Variants in POLR1B observed in about 807,000 individuals in gnomAD.
POLR1B encodes RNA polymerase I subunit B.
POLR1B carries 30 observed loss-of-function variants against 105.8 expected under a neutral mutation model. The observed-to-expected ratio is 0.28, with a 90% CI of 0.21 to 0.38. The LOEUF (loss-of-function observed/expected upper bound fraction) is 0.38. Ranked by LOEUF, POLR1B falls within the 10% of genes least tolerant of loss-of-function variation. The pLI is 1.00. For missense variants in POLR1B, 976 were observed against 1,435.8 expected (o/e 0.68, Z 5.17); for synonymous variants, 485 against 505.1 (o/e 0.96, Z 0.53).
chr2:112,542,419 A>G (rs1448335074), upstream of POLR1B: 30 of 1,612,644 alleles, frequency 1.9e-5, no homozygotes, highest in Non-Finnish European at 2.5e-5. Flanking sequence ...GACTGCGGCC[A>G]CTACTTCCGG....
chr2:112,547,985 T>C (rs1015049550), intron 3 of POLR1B, among the ~76,000 whole-genome samples: 1 of 152,084 alleles, frequency 6.6e-6, no homozygotes, highest in Non-Finnish European at 1.5e-5. Flanking sequence ...CCAGGAGGCC[T>C]CACTACAGTG....
rs1168231235 is a variant in POLR1B at position 112,579,674 on chromosome 2, G to A, written c.*3945G>A. On this transcript the variant is annotated 3_prime_UTR_variant, in exon 15 of 15. Coordinates refer to ENST00000263331, the MANE Select transcript of POLR1B (RefSeq NM_019014.6). ...CATTTCTCTAATGGCTGAAAATGTT[G>A]AACATCTCTTCATGTGTTTATTTGC... The A allele has an allele frequency of 1.3e-5, 2 of 152,114 alleles. No homozygotes were observed. The highest frequency in any genetic ancestry group is 6.6e-5 in the Admixed American group (1 of 15,264). 9.4% of individuals were successfully genotyped at this position (152,114 alleles called of 1,614,324 possible). A position where few individuals can be genotyped will look rare whatever the true frequency, so the allele number is the denominator to read the frequency against.
rs1328411882 is a variant in POLR1B at position 112,569,260 on chromosome 2, T to TC, written c.2074+360dup. On this transcript the variant is annotated intron_variant, in intron 12 of 14. Transcript: ENST00000263331. ...TATAGTCACCCGCATATTTATCACTTCCAGTCCTCTTCATTCCTGCTGCAA... is the reference window on the plus strand; with the variant it reads ...TATAGTCACCCGCATATTTATCACTTCCCAGTCCTCTTCATTCCTGCTGCAA... Among the ~76,000 whole-genome samples the TC allele has an allele frequency of 2.6e-5, 4 of 152,380 alleles. 1 individual carries two copies. In the East Asian group the frequency reaches 7.7e-4, roughly 29 times the overall value.
rs1270132307 is a variant in POLR1B at position 112,577,597 on chromosome 2, C to T, written c.*1868C>T. 2.6e-5 allele frequency among the ~76,000 whole-genome samples: 4 copies of T among 151,578 alleles called. No individual in the cohort carries two copies. Among genetic ancestry groups the T allele is most frequent in the Non-Finnish European group, 5.9e-5 (4 of 67,922 alleles). On this transcript the variant is annotated 3_prime_UTR_variant, in exon 15 of 15. Coordinates refer to ENST00000263331, the MANE Select transcript of POLR1B (RefSeq NM_019014.6). ...GGGTGTGGTGGCTCACACCCATAAT[C>T]CCAACACTTTGGCTCAGCAGATTGC...
intron 1 of POLR1B, 61 bp from the exon 2 acceptor site, chr2:112,546,951 A>G (rs1485867453): frequency 6.5e-7 from 1 of 1,527,782 alleles, no homozygotes; most frequent in Non-Finnish European, 9.0e-7. Context: ...GATTTGGAAG[A>G]GTCTTAGAGA....
chr2:112,577,219 A>G lies in POLR1B; in HGVS notation c.*1490A>G, dbSNP rs568729231. On this transcript the variant is annotated 3_prime_UTR_variant, in exon 15 of 15. Coordinates refer to ENST00000263331, the MANE Select transcript of POLR1B (RefSeq NM_019014.6). Reference sequence around the variant, plus strand: ...GTCTGTCACTAATTATAAGGCAGATAGGAACAGACAGAAAAATCTATCATT... The same window carrying G: ...GTCTGTCACTAATTATAAGGCAGATGGGAACAGACAGAAAAATCTATCATT... 6.6e-6 allele frequency: 1 copy of G among 152,384 alleles called. No homozygotes were observed. Among genetic ancestry groups the G allele is most frequent in the South Asian group, 2.1e-4 (1 of 4,830 alleles). 9.4% of individuals were successfully genotyped at this position (152,384 alleles called of 1,614,324 possible). A position where few individuals can be genotyped will look rare whatever the true frequency, so the allele number is the denominator to read the frequency against.
At chr2:112,571,358 A>G (rs919591832) in intron 12 of POLR1B, among the ~76,000 whole-genome samples, 5 of 152,110 alleles carry the variant, frequency 3.3e-5, no homozygotes, top group African/African-American at 1.2e-4. Context: ...TCCTCTGAAG[A>G]GGATTGGTTT....
At chr2:112,567,579 A>G (rs764801843) in intron 10 of POLR1B, among the ~76,000 whole-genome samples, 1 of 151,768 alleles carries the variant, frequency 6.6e-6, no homozygotes, top group African/African-American at 2.4e-5. Flanking sequence ...GGGTTTCATC[A>G]TGTTGCCCAG....
intron 8 of POLR1B, among the ~76,000 whole-genome samples, chr2:112,558,391 T>G (rs1290861520): frequency 6.6e-6 from 1 of 152,026 alleles, no homozygotes; most frequent in African/African-American, 2.4e-5. Flanking sequence ...TCTAAACCAT[T>G]TGCCTTGCCT....
chr2:112,549,416 A>T lies in POLR1B; in HGVS notation c.625+17A>T. 1 of 1,506,690 alleles carries T rather than the reference A, an allele frequency of 6.6e-7. No homozygotes were observed. Among genetic ancestry groups the T allele is most frequent in the Non-Finnish European group, 8.9e-7 (1 of 1,128,438 alleles). The allele number at this position is 1,506,690 out of a possible 1,614,324, so 93.3% of individuals were successfully genotyped here. A position where few individuals can be genotyped will look rare whatever the true frequency, so the allele number is the denominator to read the frequency against. ...CTCAGTATGGTAAGTTCTGGAGATT[A>T]TTAGAATATTTTTTAAGGAAAATTT... On this transcript the variant is annotated intron_variant, in intron 4 of 14. Coordinates refer to ENST00000263331, the MANE Select transcript of POLR1B (RefSeq NM_019014.6).
At chr2:112,570,583 G>T (rs1042179451) in intron 12 of POLR1B, among the ~76,000 whole-genome samples, 1 of 152,112 alleles carries the variant, frequency 6.6e-6, no homozygotes, top group Non-Finnish European at 1.5e-5. Context: ...TACAAACCTG[G>T]GTGGCATGTA....
chr2:112,566,202 A>C (rs560710205), intron 10 of POLR1B, among the ~76,000 whole-genome samples: 1 of 152,310 alleles, frequency 6.6e-6, no homozygotes, highest in South Asian at 2.1e-4. Flanking sequence ...GAAGCACATG[A>C]CGTTGGTTTG....
intron 10 of POLR1B, 46 bp downstream of exon 10, chr2:112,564,545 T>A (rs776341293): frequency 2.0e-5 from 32 of 1,612,366 alleles, no homozygotes; most frequent in Non-Finnish European, 2.7e-5. Context: ...GACCTTAGGT[T>A]TTTCAGTTCC....
intron 9 of POLR1B, among the ~76,000 whole-genome samples, chr2:112,559,882 G>A (rs1254462193): frequency 1.3e-5 from 2 of 151,988 alleles, no homozygotes; most frequent in Admixed American, 6.5e-5. Flanking sequence ...TGCCTGCCTC[G>A]GCCTCCCAAA....
intron 1 of POLR1B, among the ~76,000 whole-genome samples, chr2:112,546,523 T>C (rs1333869179): frequency 6.7e-6 from 1 of 149,304 alleles, no homozygotes; most frequent in African/African-American, 2.5e-5. Context: ...TTTAGTGAAG[T>C]TATGAGTAGA....
intron 3 of POLR1B, 40 bp downstream of exon 3, chr2:112,547,607 C>G: frequency 6.3e-7 from 1 of 1,592,876 alleles, no homozygotes; most frequent in Non-Finnish European, 8.6e-7. Flanking sequence ...TAGAGAAGGC[C>G]TGGGTTGGGA....
At chr2:112,566,770 T>G (rs1053338384) in intron 10 of POLR1B, among the ~76,000 whole-genome samples, 1 of 151,588 alleles carries the variant, frequency 6.6e-6, no homozygotes, top group Non-Finnish European at 1.5e-5. Flanking sequence ...TCTCGCTCTG[T>G]CGCCCAGGCT....
At position 112,577,694 on chromosome 2, in the gene POLR1B, G is replaced by A. The variant is rs1208924086; in HGVS notation, c.*1965G>A. On this transcript the variant is annotated 3_prime_UTR_variant, in exon 15 of 15. Transcript: ENST00000263331. The stretch of plus-strand genomic sequence containing the variant: ...CAGCTCTACAAAAAAAATTAGCCTG[G>A]TGTGGTGGCACATGCCTGTAGTTCC... Among the ~76,000 whole-genome samples the A allele has an allele frequency of 1.3e-5, 2 of 151,800 alleles. No individual in the cohort carries two copies. Among genetic ancestry groups the A allele is most frequent in the African/African-American group, 4.8e-5 (2 of 41,300 alleles).
At chr2:112,561,074 AAGAG>A (rs959005962) in intron 9 of POLR1B, among the ~76,000 whole-genome samples, 1 of 151,696 alleles carries the variant, frequency 6.6e-6, no homozygotes, top group Non-Finnish European at 1.5e-5. Flanking sequence ...AAAAAAAAAA[AAGAG>A]AGAGAGAGTG....
Sources: allele counts gnomAD v4.1 joint callset (sites outside exome capture counted in the v4.1 genomes callset), GRCh38; gene constraint gnomAD v4.1.1; transcripts MANE v1.5; gene names NCBI Gene and HGNC (gene_info 2026-07-23, HGNC 2026-07-21).